The following ZNF496 variants were observed in gnomAD, a reference collection of about 807,000 sequenced individuals.
The protein encoded by ZNF496 is NSD1 (nuclear receptor binding SET-domain containing 1)-interacting zinc finger protein 1.
ZNF496 carries 11 observed loss-of-function variants against 58.9 expected under a neutral mutation model. The ratio of observed to expected loss-of-function variants is 0.19; its 90% CI spans 0.12 to 0.31. The LOEUF is 0.31. ZNF496 is among the 10% of genes least tolerant of loss of function. The probability of loss-of-function intolerance (pLI) is 1.00; values close to 1 mark genes in which losing one functional copy is unlikely to be tolerated. For missense variants in ZNF496, 660 were observed against 783.0 expected (o/e 0.84, Z 1.88); for synonymous variants, 338 against 318.2 (o/e 1.06, Z -0.66).
At chr1:247,312,744 A>AAAAG (rs1558152785) in intron 6 of ZNF496, 2 of 152,040 alleles carry the variant, frequency 1.3e-5, no homozygotes, top group Non-Finnish European at 2.9e-5. Flanking sequence ...AAAAAAAAAA[A>AAAAG]AAAAAGAAAA....
rs962600587 is a variant in ZNF496 at position 247,322,948 on chromosome 1, T to C, written c.651+206A>G. 4.2e-5 allele frequency: 30 copies of C among 721,728 alleles called. No homozygotes were observed. The Admixed American group carries it at 4.6e-4, about 11-fold the overall frequency. 44.7% of individuals were successfully genotyped at this position (721,728 alleles called of 1,614,324 possible). On this transcript the variant is annotated intron_variant, in intron 6 of 9. Coordinates refer to ENST00000682384, the MANE Select transcript of ZNF496 (RefSeq NM_032752.3). ...CTTCCTGAAGGTGGCCTGATGACAG[T>C]AGACCCAGTGGGCGGCTGGGACCAC... is the stretch of plus-strand genomic sequence containing the variant.
At chr1:247,328,191 G>A (rs1274970429) in intron 5 of ZNF496, among the ~76,000 whole-genome samples, 2 of 152,020 alleles carry the variant, frequency 1.3e-5, no homozygotes, top group Non-Finnish European at 2.9e-5. Context: ...TGATGTTCTG[G>A]CCCCACACAC....
intron 5 of ZNF496, among the ~76,000 whole-genome samples, chr1:247,326,214 C>G (rs746365931): frequency 6.6e-6 from 1 of 150,780 alleles, no homozygotes; most frequent in Admixed American, 6.6e-5. Context: ...ATACATGGAC[C>G]CTTTCAAGAA....
At chr1:247,304,489 A>G (rs1659346104) in intron 9 of ZNF496, among the ~76,000 whole-genome samples, 1 of 151,582 alleles carries the variant, frequency 6.6e-6, no homozygotes, top group African/African-American at 2.4e-5. Flanking sequence ...CTCCTGCCTC[A>G]GCCTCCTGAG....
At chr1:247,325,683 T>G (rs1660096968) in intron 5 of ZNF496, among the ~76,000 whole-genome samples, 1 of 152,094 alleles carries the variant, frequency 6.6e-6, no homozygotes, top group South Asian at 2.1e-4. Context: ...TTTTTAGAGG[T>G]GGGTTCTCGC....
At chr1:247,326,546 T>A (rs1185356271) in intron 5 of ZNF496, among the ~76,000 whole-genome samples, 2 of 152,080 alleles carry the variant, frequency 1.3e-5, no homozygotes, top group African/African-American at 4.8e-5. Context: ...CAGACCCCAC[T>A]ACAAGGCCTC....
At position 247,300,464 on chromosome 1, in the gene ZNF496, T is replaced by G. The variant is rs1659200322; in HGVS notation, c.*55A>C. 4.5e-6 allele frequency: 7 copies of G among 1,550,678 alleles called. No homozygotes were observed. The South Asian group carries it at 8.6e-5, about 19-fold the overall frequency. ...TGTCCTGGGTGGGGGCGCTGATCAG[T>G]ACCAAGGTGAGGGGGCAGCACCAGC... On this transcript the variant is annotated 3_prime_UTR_variant, in exon 10 of 10. Transcript: ENST00000682384. The surrounding 1 kb of genome is among the most constrained non-coding windows in gnomAD (Gnocchi z 5.7).
chr1:247,307,569 CA>C (rs981122465), intron 9 of ZNF496: 2 of 985,350 alleles, frequency 2.0e-6, no homozygotes, highest in African/African-American at 3.5e-5. Context: ...CTTAGAAAAC[CA>C]GGGGTGGGCA....
intron 9 of ZNF496, among the ~76,000 whole-genome samples, chr1:247,306,067 G>A (rs566484062): frequency 1.3e-5 from 2 of 152,186 alleles, no homozygotes; most frequent in Non-Finnish European, 2.9e-5. Flanking sequence ...AAGAATCAGA[G>A]ACTTGGATTT....
chr1:247,316,135 G>GGTGTGTGTGTGTGTGTGTGTGT (rs148003455), intron 6 of ZNF496, among the ~76,000 whole-genome samples: 1 of 139,828 alleles, frequency 7.2e-6, no homozygotes, highest in African/African-American at 2.7e-5. Context: ...CTGGGAGAGG[G>GGTGTGTGTGTGTGTGTGTGTGT]GTGTGTGTGT....
rs550607792 is a variant in ZNF496 at position 247,323,139 on chromosome 1, G to A, written c.651+15C>T. Reference sequence around the variant, plus strand: ...AAACAGGGGATTTTCAAGGACTCCTGTAGAAACCACTCACCGGGGGTAGCT... The same window carrying A: ...AAACAGGGGATTTTCAAGGACTCCTATAGAAACCACTCACCGGGGGTAGCT... On this transcript the variant is annotated intron_variant, in intron 6 of 9. Transcript: ENST00000682384. 6 of 1,611,082 alleles carry A rather than the reference G, an allele frequency of 3.7e-6. No individual in the cohort carries two copies. The highest frequency in any genetic ancestry group is 5.1e-6 in the Non-Finnish European group (6 of 1,177,616).
rs2103019947 is a variant in ZNF496 at position 247,308,759 on chromosome 1, G to T, written c.893-171C>A. 3.4e-6 allele frequency: 2 copies of T among 595,458 alleles called. No homozygotes were observed. The highest frequency in any genetic ancestry group is 2.0e-5 in the South Asian group (1 of 50,974). 36.9% of individuals were successfully genotyped at this position (595,458 alleles called of 1,614,324 possible). A position where few individuals can be genotyped will look rare whatever the true frequency, so the allele number is the denominator to read the frequency against. ...AAGTGTCTGCTGAGTGAATGAACCT[G>T]AAGGCAAAATGGGCCAACTCCACAA... is the stretch of plus-strand genomic sequence containing the variant. On this transcript the variant is annotated intron_variant, in intron 8 of 9. Coordinates refer to ENST00000682384, the MANE Select transcript of ZNF496 (RefSeq NM_032752.3). This position sits in a 1 kb window ranked among gnomAD's most constrained non-coding sequence, Gnocchi z 4.5.
At chr1:247,327,557 A>G (rs1307402292) in intron 5 of ZNF496, among the ~76,000 whole-genome samples, 1 of 152,244 alleles carries the variant, frequency 6.6e-6, no homozygotes, top group Non-Finnish European at 1.5e-5. Flanking sequence ...TTGTTATGGC[A>G]GCCAACAACA....
At chr1:247,325,791 G>C (rs2103031924) in intron 5 of ZNF496, among the ~76,000 whole-genome samples, 1 of 152,158 alleles carries the variant, frequency 6.6e-6, no homozygotes, top group South Asian at 2.1e-4. Flanking sequence ...CACCATGCCT[G>C]GCTAGGAGGT....
At chr1:247,307,229 A>C in intron 9 of ZNF496, 1 of 985,448 alleles carries the variant, frequency 1.0e-6, no homozygotes, top group Middle Eastern at 5.2e-4. Context: ...CCTTTTAGGA[A>C]GGCAAGCTGG....
At position 247,301,114 on chromosome 1, in the gene ZNF496, C is replaced by T. The variant is rs1047647174; in HGVS notation, c.1169G>A (p.Arg390Gln). 3.3e-5 allele frequency: 53 copies of T among 1,613,676 alleles called. No homozygotes were observed. The highest frequency in any genetic ancestry group is 4.0e-5 in the Non-Finnish European group (47 of 1,180,038). ...CTCGCCTCCGGCCTCGGTGCTGCTC[C>T]GGTGGGAGGCGGGGAGGCTGCGCTG... is the stretch of plus-strand genomic sequence containing the variant. Reference protein sequence around the residue: ...EKQRSLPASHRSSTEAGGEVQ... With the variant: ...EKQRSLPASHQSSTEAGGEVQ... The change falls in exon 10 of 10, where the codon CGG becomes CAG. Residue 390 changes from arginine (R) to glutamine (Q), a missense_variant. Transcript: ENST00000682384.
At chr1:247,310,077 AC>A in intron 7 of ZNF496, 3 of 1,429,562 alleles carry the variant, frequency 2.1e-6, no homozygotes, top group Non-Finnish European at 2.7e-6. Context: ...AAATGGACAT[AC>A]AGCACATGTT....
rs75453877 is a variant in ZNF496 at position 247,309,793 on chromosome 1, G to A, written c.798C>T (p.Ala266=). ...CCTCTCCCTGGGAGAGATCTGGCTG[G>A]GCAGCTAGGTCGTCTGTTCAAAGAA... The part of the protein sequence containing the change: ...GVSMPPNDLA[A]QPDLSQGEEN... The change falls in exon 8 of 10, where the codon GCC becomes GCT. Residue 266 remains alanine, a synonymous_variant. Transcript: ENST00000682384. This position sits in a 1 kb window ranked among gnomAD's most constrained non-coding sequence, Gnocchi z 4.3. 0.015 allele frequency: 24,202 copies of A among 1,614,128 alleles called. 226 individuals carry two copies. Among genetic ancestry groups the A allele is most frequent in the Non-Finnish European group, 0.018 (21,731 of 1,180,020 alleles).
intron 6 of ZNF496, among the ~76,000 whole-genome samples, chr1:247,320,898 G>C (rs573189978): frequency 4.5e-4 from 68 of 152,308 alleles, no homozygotes; most frequent in African/African-American, 1.5e-3. Flanking sequence ...TTCATGGCCA[G>C]GCATGGTGGC....
Sources: allele counts gnomAD v4.1 joint callset (sites outside exome capture counted in the v4.1 genomes callset), GRCh38; gene constraint gnomAD v4.1.1; non-coding constraint Gnocchi (gnomAD v3.1); transcripts MANE v1.5; gene names NCBI Gene and HGNC (gene_info 2026-07-23, HGNC 2026-07-21).